The following KCNH8 variants were observed in gnomAD, a reference collection of about 807,000 sequenced individuals.
KCNH8 encodes potassium voltage-gated channel subfamily H member 8, also known as voltage-gated delayed rectifier potassium channel KCNH8.
A neutral mutation model predicts 103.6 loss-of-function variants in KCNH8; 70 were observed. The ratio of observed to expected loss-of-function variants is 0.68; its 90% CI spans 0.56 to 0.82. KCNH8 has a LOEUF of 0.82. Among genes scored for constraint, KCNH8 ranks in the 40% least tolerant of loss-of-function variants. KCNH8 has a pLI of 0.00. For synonymous variants in KCNH8, 498 were observed against 489.4 expected (o/e 1.02, Z -0.23); for missense variants, 1,217 against 1,329.9 (o/e 0.92, Z 1.32).
chr3:19,283,934 C>A (rs1305320218), intron 3 of KCNH8, among the ~76,000 whole-genome samples: 4 of 144,916 alleles, frequency 2.8e-5, no homozygotes, highest in Non-Finnish European at 4.5e-5. Flanking sequence ...AGAGTGAGAC[C>A]CTGTCTCAAA....
intron 7 of KCNH8, among the ~76,000 whole-genome samples, chr3:19,427,259 T>C (rs1044953623): frequency 1.3e-5 from 2 of 152,202 alleles, no homozygotes; most frequent in Admixed American, 1.3e-4. Flanking sequence ...TTGGTTATAA[T>C]GTGAATTAAA....
chr3:19,397,217 T>C (rs1026759051), intron 7 of KCNH8, among the ~76,000 whole-genome samples: 14 of 151,912 alleles, frequency 9.2e-5, no homozygotes, highest in African/African-American at 3.1e-4. Context: ...ATGTAATGAG[T>C]AGCAGGTTGT....
chr3:19,535,202 A>C lies in KCNH8; in HGVS notation c.*1103A>C, dbSNP rs1405389726. On this transcript the variant is annotated 3_prime_UTR_variant, in exon 16 of 16. Coordinates refer to ENST00000328405, the MANE Select transcript of KCNH8 (RefSeq NM_144633.3). ...CCTTTCCCAGTGCTTTTCTTTTACA[A>C]GAGGTAGTAGACTAGTGGAAATCCC... is the stretch of plus-strand genomic sequence containing the variant. 1 of 152,210 alleles carries C rather than the reference A, an allele frequency of 6.6e-6. No individual in the cohort carries two copies. Among genetic ancestry groups the C allele is most frequent in the African/African-American group, 2.4e-5 (1 of 41,442 alleles). 9.4% of individuals were successfully genotyped at this position (152,210 alleles called of 1,614,324 possible).
chr3:19,286,601 A>C (rs995265642), intron 3 of KCNH8, among the ~76,000 whole-genome samples: 9 of 152,220 alleles, frequency 5.9e-5, no homozygotes, highest in Non-Finnish European at 1.2e-4. Flanking sequence ...TGAGGATACC[A>C]TAATCCACTG....
At chr3:19,243,969 G>C (rs2064173680) in intron 1 of KCNH8, among the ~76,000 whole-genome samples, 1 of 152,080 alleles carries the variant, frequency 6.6e-6, no homozygotes, top group Non-Finnish European at 1.5e-5. Context: ...TTGCCTTTCA[G>C]TAGGCCAAAT....
intron 8 of KCNH8, among the ~76,000 whole-genome samples, chr3:19,448,547 T>C (rs554217668): frequency 6.6e-6 from 1 of 152,222 alleles, no homozygotes; most frequent in African/African-American, 2.4e-5. Flanking sequence ...TGCCAGTGTT[T>C]GGTAATTTCT....
At chr3:19,299,197 A>C (rs1159972016) in intron 3 of KCNH8, among the ~76,000 whole-genome samples, 1 of 152,140 alleles carries the variant, frequency 6.6e-6, no homozygotes, top group Non-Finnish European at 1.5e-5. Flanking sequence ...TAAAAAGAAA[A>C]ATTTCATTAA....
chr3:19,360,179 T>A (rs1191140792), intron 5 of KCNH8, among the ~76,000 whole-genome samples: 1 of 152,082 alleles, frequency 6.6e-6, no homozygotes, highest in Admixed American at 6.6e-5. Flanking sequence ...ACCCTAGGAT[T>A]CAGCATTTAT....
chr3:19,358,954 A>C (rs2065914641), intron 5 of KCNH8, among the ~76,000 whole-genome samples: 1 of 151,960 alleles, frequency 6.6e-6, no homozygotes, highest in Admixed American at 6.6e-5. Flanking sequence ...ACTAATCCAC[A>C]AGGAAAAGGA....
At chr3:19,418,013 T>C (rs2066889470) in intron 7 of KCNH8, among the ~76,000 whole-genome samples, 1 of 152,096 alleles carries the variant, frequency 6.6e-6, no homozygotes, top group African/African-American at 2.4e-5. Context: ...AAATGTTAGT[T>C]TGATGTATGT....
chr3:19,493,628 G>C lies in KCNH8; in HGVS notation c.2041-16735G>C, dbSNP rs149872624. On this transcript the variant is annotated intron_variant, in intron 11 of 15. Coordinates refer to ENST00000328405, the MANE Select transcript of KCNH8 (RefSeq NM_144633.3). ...CCCAGTCTTAGGTAGTATCTTTATA[G>C]CAGTGAGAAAATTGGCAAATACAGC... Among the ~76,000 whole-genome samples, 15 of 152,194 alleles carry C rather than the reference G, an allele frequency of 9.9e-5. No homozygotes were observed. In the East Asian group the frequency reaches 2.5e-3, roughly 25 times the overall value.
chr3:19,494,690 T>G (rs976069800), intron 11 of KCNH8, among the ~76,000 whole-genome samples: 2 of 152,154 alleles, frequency 1.3e-5, no homozygotes, highest in Non-Finnish European at 2.9e-5. Flanking sequence ...TATGGTAAAA[T>G]AATGTATATT....
At chr3:19,526,380 G>C (rs1317190241) in intron 15 of KCNH8, among the ~76,000 whole-genome samples, 1 of 151,972 alleles carries the variant, frequency 6.6e-6, no homozygotes, top group African/African-American at 2.4e-5. Context: ...CATGCCAATA[G>C]CCAAGATGGA....
intron 1 of KCNH8, among the ~76,000 whole-genome samples, chr3:19,182,603 A>G (rs1272821957): frequency 6.6e-6 from 1 of 152,210 alleles, no homozygotes; most frequent in African/African-American, 2.4e-5. Flanking sequence ...CAGAGCCCTG[A>G]TATAATCCTG....
At chr3:19,333,654 C>T (rs2065542328) in intron 3 of KCNH8, among the ~76,000 whole-genome samples, 1 of 152,102 alleles carries the variant, frequency 6.6e-6, no homozygotes, top group South Asian at 2.1e-4. Flanking sequence ...ATAAAATATA[C>T]AATCCATATA....
intron 1 of KCNH8, among the ~76,000 whole-genome samples, chr3:19,151,735 A>C (rs1177629807): frequency 2.6e-5 from 4 of 151,976 alleles, no homozygotes; most frequent in Admixed American, 1.3e-4. Flanking sequence ...TTTACATATT[A>C]TAATATTTCT....
chr3:19,314,170 C>CT (rs539351484), intron 3 of KCNH8, among the ~76,000 whole-genome samples: 3 of 151,906 alleles, frequency 2.0e-5, no homozygotes, highest in African/African-American at 7.2e-5. Flanking sequence ...TTTATATTTT[C>CT]TTTTTTGTTT....
rs2068854798 is a variant in KCNH8 at position 19,515,299 on chromosome 3, CCAAT to C, written c.2436-22_2436-19del. On this transcript the variant is annotated intron_variant, in intron 13 of 15. Transcript: ENST00000328405. ...TCCATGAATATGAATCCACAGCCAG[CCAAT>C]TTCCTTTATTTTAAGTAGGATTGTT... is the stretch of plus-strand genomic sequence containing the variant. The C allele has an allele frequency of 7.4e-7, 1 of 1,355,402 alleles. No individual in the cohort carries two copies. The highest frequency in any genetic ancestry group is 1.3e-5 in the South Asian group (1 of 77,482). The allele number at this position is 1,355,402 out of a possible 1,614,324, so 84.0% of individuals were successfully genotyped here.
chr3:19,314,210 A>C (rs1233870282), intron 3 of KCNH8, among the ~76,000 whole-genome samples: 2 of 151,780 alleles, frequency 1.3e-5, no homozygotes, highest in Non-Finnish European at 2.9e-5. Flanking sequence ...GAAAATAGCA[A>C]ACTTTTTATG....
Sources: allele counts gnomAD v4.1 joint callset (sites outside exome capture counted in the v4.1 genomes callset), GRCh38; gene constraint gnomAD v4.1.1; transcripts MANE v1.5; gene names NCBI Gene and HGNC (gene_info 2026-07-23, HGNC 2026-07-21).